Variants in KMT2E observed in about 807,000 individuals in gnomAD.
KMT2E encodes histone reader KMT2E.
In KMT2E, 30 loss-of-function variants were observed where a neutral mutation model predicts 184.6. The ratio of observed to expected loss-of-function variants is 0.16; its 90% CI spans 0.12 to 0.22. The LOEUF (loss-of-function observed/expected upper bound fraction) is 0.22, where lower values mean the gene tolerates loss of function less well. Among genes scored for constraint, KMT2E ranks in the 10% least tolerant of loss-of-function variants. The pLI, the probability that KMT2E is intolerant of heterozygous loss-of-function variation, is 1.00. For synonymous variants in KMT2E, 815 were observed against 776.5 expected, an observed-to-expected ratio of 1.05 and a Z score of -0.82; for missense variants, 2,023 against 2,237.4, an observed-to-expected ratio of 0.90 and a Z score of 1.93.
At chr7:105,064,077 C>G (rs1347295487) in intron 5 of KMT2E, 1 of 436,062 alleles carries the variant, frequency 2.3e-6, no homozygotes, top group African/African-American at 2.1e-5. Context: ...TCCCCCAACC[C>G]TGGTTCAGCC....
At chr7:105,087,186 A>G (rs901546747) in intron 13 of KMT2E, among the ~76,000 whole-genome samples, 6 of 147,100 alleles carry the variant, frequency 4.1e-5, no homozygotes, top group Non-Finnish European at 7.4e-5. Flanking sequence ...ATATATTAGC[A>G]TATACATGCT....
In KMT2E at chr7:105,113,324, G is replaced by A. The variant is rs752232337; in HGVS notation, c.5568G>A (p.Gly1856=). 3.7e-6 allele frequency: 6 copies of A among 1,605,052 alleles called. No individual in the cohort carries two copies. The highest frequency in any genetic ancestry group is 3.4e-5 in the Admixed American group (2 of 59,468). The change falls in exon 27 of 27, where the codon GGG becomes GGA. Residue 1856 remains glycine, a synonymous_variant. Transcript: ENST00000311117. Reference sequence around the variant, plus strand: ...TTCAAAACAATTACCATGGGTCAGGGTGGCATTAAAATGGACTCCAAAAAC... The same window carrying A: ...TTCAAAACAATTACCATGGGTCAGGATGGCATTAAAATGGACTCCAAAAAC... ...PTFQNNYHGS[G]WH
At chr7:105,033,304 T>A (rs764684428) in intron 1 of KMT2E, among the ~76,000 whole-genome samples, 5 of 152,232 alleles carry the variant, frequency 3.3e-5, no homozygotes, top group Non-Finnish European at 7.3e-5. Flanking sequence ...AATTTTAATG[T>A]CATTTTAAAA....
In KMT2E at chr7:105,062,217, C is replaced by G. The variant is rs1352067390; in HGVS notation, c.125C>G (p.Pro42Arg). The G allele has an allele frequency of 6.2e-7, 1 of 1,613,534 alleles. No homozygotes were observed. The change falls in exon 4 of 27, where the codon CCC becomes CGC. Residue 42 changes from proline (P) to arginine (R), a missense_variant. Pro to Arg is a moderately radical substitution (Grantham distance 103). This residue lies in a region of KMT2E where 63 missense variants were observed against 68.9 expected (regional missense o/e 0.91). Transcript: ENST00000311117. ...GTAGTTGAGAAATCCAACAGTTATC[C>G]CCACCAGTTATATACCAGCAGCTCA... is the stretch of plus-strand genomic sequence containing the variant. ...PVVVEKSNSY[P>R]HQLYTSSSHH...
At chr7:105,083,345 TTAGA>T (rs1337219612) in intron 13 of KMT2E, among the ~76,000 whole-genome samples, 1 of 152,154 alleles carries the variant, frequency 6.6e-6, no homozygotes, top group Non-Finnish European at 1.5e-5. Context: ...AGAGGCTGAA[TTAGA>T]GACACTTTGA....
At chr7:105,021,971 G>A (rs763631823) in intron 1 of KMT2E, among the ~76,000 whole-genome samples, 1 of 152,016 alleles carries the variant, frequency 6.6e-6, no homozygotes, top group East Asian at 1.9e-4. Flanking sequence ...CAAGATCACC[G>A]GACTTGTGAC....
At chr7:105,042,221 G>A (rs921446270) in intron 3 of KMT2E, among the ~76,000 whole-genome samples, 3 of 152,008 alleles carry the variant, frequency 2.0e-5, no homozygotes, top group African/African-American at 4.8e-5. Flanking sequence ...GAACTCCTGG[G>A]CTCAAGCGAT....
chr7:105,070,227 T>C (rs1797226222), intron 6 of KMT2E, among the ~76,000 whole-genome samples: 1 of 152,090 alleles, frequency 6.6e-6, no homozygotes, highest in Admixed American at 6.5e-5. Flanking sequence ...CTTGATTATA[T>C]GGTAGTTGCA....
chr7:105,033,574 C>T (rs1795511651), intron 1 of KMT2E, among the ~76,000 whole-genome samples: 1 of 152,194 alleles, frequency 6.6e-6, no homozygotes, highest in Admixed American at 6.5e-5. Flanking sequence ...TCTCGGCCCA[C>T]TGCAAGCTCC....
intron 6 of KMT2E, 44 bp from the exon 7 acceptor site, chr7:105,073,575 G>A (rs77660286): frequency 8.3e-7 from 1 of 1,201,710 alleles, no homozygotes; most frequent in African/African-American, 1.5e-5. Flanking sequence ...AGACAGATCT[G>A]CTTCATGTAT....
intron 1 of KMT2E, among the ~76,000 whole-genome samples, chr7:105,019,559 C>T (rs187307341): frequency 5.8e-4 from 88 of 152,150 alleles, no homozygotes; most frequent in Non-Finnish European, 7.8e-4. Flanking sequence ...AAATAATTAA[C>T]CTATAATATG....
chr7:105,058,663 G>C (rs188910256), intron 3 of KMT2E, among the ~76,000 whole-genome samples: 21 of 152,218 alleles, frequency 1.4e-4, no homozygotes, highest in African/African-American at 5.1e-4. Flanking sequence ...TCAGAGTTTT[G>C]AAAAGGTGAC....
At chr7:105,056,887 A>G (rs1796588010) in intron 3 of KMT2E, among the ~76,000 whole-genome samples, 3 of 152,232 alleles carry the variant, frequency 2.0e-5, no homozygotes, top group South Asian at 4.1e-4. Context: ...CCCACTTTAC[A>G]TATAAAAAAC....
At chr7:105,049,426 A>G (rs1796237120) in intron 3 of KMT2E, among the ~76,000 whole-genome samples, 1 of 151,988 alleles carries the variant, frequency 6.6e-6, no homozygotes, top group Admixed American at 6.6e-5. Context: ...CCTGGGTGAC[A>G]AAGTGAGACC....
chr7:105,062,206 C>T lies in KMT2E; in HGVS notation c.114C>T (p.Ser38=). The part of the protein sequence containing the change: ...VEASPVVVEK[S]NSYPHQLYTS... The stretch of plus-strand genomic sequence containing the variant: ...CTAGCCCTGTGGTAGTTGAGAAATC[C>T]AACAGTTATCCCCACCAGTTATATA... Residue 38 remains serine (S), a synonymous_variant, in exon 4 of 27, where the codon TCC becomes TCT. Coordinates refer to ENST00000311117, the MANE Select transcript of KMT2E (RefSeq NM_182931.3). 2 of 1,613,522 alleles carry T rather than the reference C, an allele frequency of 1.2e-6. No homozygotes were observed. The highest frequency in any genetic ancestry group is 1.7e-4 in the Middle Eastern group (1 of 6,060).
intron 1 of KMT2E, 74 bp from the exon 2 acceptor site, chr7:105,038,052 T>C (rs935530590): frequency 1.3e-5 from 2 of 152,180 alleles, no homozygotes; most frequent in African/African-American, 4.8e-5. Flanking sequence ...TTAGGTACCA[T>C]GTCAGTTAGA....
rs1490686797 is a variant in KMT2E, at chr7:105,113,637, T to G, written c.*304T>G. On this transcript the variant is annotated 3_prime_UTR_variant, in exon 27 of 27. Transcript: ENST00000311117. The stretch of plus-strand genomic sequence containing the variant: ...TTTAGTTAAATTCATTTAGTGAATG[T>G]TCTATTATTTTATACATACACATTA... The G allele has an allele frequency of 3.7e-6, 1 of 272,560 alleles. No individual in the cohort carries two copies. The highest frequency in any genetic ancestry group is 7.6e-5 in the East Asian group (1 of 13,162). 16.9% of individuals were successfully genotyped at this position (272,560 alleles called of 1,614,324 possible). A position where few individuals can be genotyped will look rare whatever the true frequency, so the allele number is the denominator to read the frequency against.
At chr7:105,014,865 G>T (rs543928092) in intron 1 of KMT2E, among the ~76,000 whole-genome samples, 1 of 152,252 alleles carries the variant, frequency 6.6e-6, no homozygotes, top group Non-Finnish European at 1.5e-5. Context: ...ACGGAGGCTT[G>T]TGACTGTTAG....
In KMT2E at chr7:105,107,363, G is replaced by T. The variant is rs1449625732; in HGVS notation, c.2906G>T (p.Gly969Val). ...EIKRRTYSQE[G>V]YDRSSTMLTL... ...TTTTTTTTTTTAATTTGTAAACAGG[G>T]ATATGACAGATCTTCAACCATGTTA... Residue 969 changes from glycine (G) to valine (V), a missense_variant and splice_region_variant, in exon 22 of 27, where the codon GGA becomes GTA. Around this residue, in one of 8 missense-constraint regions of KMT2E, gnomAD observed 514 missense variants for 621.8 expected, o/e 0.83. Coordinates refer to ENST00000311117, the MANE Select transcript of KMT2E (RefSeq NM_182931.3). 3.2e-6 allele frequency: 5 copies of T among 1,577,116 alleles called. No homozygotes were observed. The highest frequency in any genetic ancestry group is 3.4e-6 in the Non-Finnish European group (4 of 1,164,872).
Sources: gnomAD v4.1 joint callset for allele counts (sites outside exome capture counted in the v4.1 genomes callset) on GRCh38, gnomAD v4.1.1 for gene constraint, gnomAD v4.1.1 regional missense constraint, MANE v1.5 for transcripts, NCBI Gene and HGNC (gene_info 2026-07-23, HGNC 2026-07-21) for gene names.